Variants in SLC9A9 observed in about 807,000 individuals in gnomAD.
SLC9A9 encodes solute carrier family 9 member A9, also known as sodium/hydrogen exchanger 9.
Under a neutral mutation model 77.8 loss-of-function variants are expected in SLC9A9, and 62 were observed. The ratio of observed to expected loss-of-function variants is 0.80; its 90% CI spans 0.65 to 0.98. The LOEUF is 0.98. SLC9A9 is among the 50% of genes least tolerant of loss of function. SLC9A9 has a pLI of 0.00. For synonymous variants in SLC9A9, 320 were observed against 283.5 expected (o/e 1.13, Z -1.29); for missense variants, 775 against 774.9 (o/e 1.00, Z 0.00).
In SLC9A9 at chr3:143,613,632, T is replaced by A. The variant is rs114790540; in HGVS notation, c.756-34909A>T. ...TAATTGGACAGCTAAATGGCTCAAC[T>A]TCATCTCTTTCCTCTCTTCTCACTG... On this transcript the variant is annotated intron_variant, in intron 6 of 15. Transcript: ENST00000316549. Among the ~76,000 whole-genome samples, 1,092 of 152,262 alleles carry A rather than the reference T, an allele frequency of 7.2e-3. 5 individuals are homozygous for A. The highest frequency in any genetic ancestry group is 0.011 in the Admixed American group (173 of 15,288).
In SLC9A9 at chr3:143,693,600, T is replaced by C. The variant is rs147587482; in HGVS notation, c.534-293A>G. On this transcript the variant is annotated intron_variant, in intron 4 of 15. Coordinates refer to ENST00000316549, the MANE Select transcript of SLC9A9 (RefSeq NM_173653.4). ...AAGATATAAAAAATAATCTGTCAAA[T>C]GTGGCACAGCAAATCATATCCAAAA... Among the ~76,000 whole-genome samples the C allele has an allele frequency of 6.2e-4, 94 of 152,278 alleles. No homozygotes were observed. In the East Asian group the frequency reaches 0.011, roughly 17 times the overall value.
chr3:143,514,873 T>C (rs1427875524), intron 9 of SLC9A9, among the ~76,000 whole-genome samples: 1 of 152,234 alleles, frequency 6.6e-6, no homozygotes, highest in Non-Finnish European at 1.5e-5. Context: ...ATCATTTGTG[T>C]GTTCACTGGA....
At chr3:143,623,663 G>C (rs1451694101) in intron 6 of SLC9A9, among the ~76,000 whole-genome samples, 2 of 152,066 alleles carry the variant, frequency 1.3e-5, no homozygotes, top group Non-Finnish European at 2.9e-5. Flanking sequence ...GAGAAAGCAG[G>C]AAAGATCTAA....
In SLC9A9 at chr3:143,604,927, C is replaced by G. The variant is rs561747526; in HGVS notation, c.756-26204G>C. ...TCTGGCAAGTTTTCAATGAGGGCCC[C>G]TCCGGTTGAAACAAGTTAGAGACTG... On this transcript the variant is annotated intron_variant, in intron 6 of 15. Coordinates refer to ENST00000316549, the MANE Select transcript of SLC9A9 (RefSeq NM_173653.4). 2.0e-5 allele frequency among the ~76,000 whole-genome samples: 3 copies of G among 152,296 alleles called. No individual in the cohort carries two copies. In the South Asian group the frequency reaches 6.2e-4, roughly 32 times the overall value.
chr3:143,715,923 C>A (rs2108799464), intron 4 of SLC9A9, among the ~76,000 whole-genome samples: 1 of 152,346 alleles, frequency 6.6e-6, no homozygotes, highest in East Asian at 1.9e-4. Context: ...ATTAAATGCA[C>A]TTTCAAAATG....
At chr3:143,321,092 C>T (rs533339407) in intron 14 of SLC9A9, among the ~76,000 whole-genome samples, 1 of 152,218 alleles carries the variant, frequency 6.6e-6, no homozygotes, top group Admixed American at 6.5e-5. Flanking sequence ...ACCATCATTT[C>T]AAACATCTAG....
intron 12 of SLC9A9, among the ~76,000 whole-genome samples, chr3:143,454,236 TACAGATTGGCTG>T (rs2035052180): frequency 6.6e-6 from 1 of 152,232 alleles, no homozygotes; most frequent in Non-Finnish European, 1.5e-5. Context: ...TAAAGTGATT[TACAGATTGGCTG>T]TATTATTTTA....
chr3:143,600,446 G>A (rs1191098510), intron 6 of SLC9A9, among the ~76,000 whole-genome samples: 1 of 152,182 alleles, frequency 6.6e-6, no homozygotes, highest in East Asian at 1.9e-4. Flanking sequence ...AATTCCCCTG[G>A]ATGGACAAGA....
At chr3:143,408,533 A>G (rs184816150) in intron 12 of SLC9A9, among the ~76,000 whole-genome samples, 1 of 152,240 alleles carries the variant, frequency 6.6e-6, no homozygotes, top group Non-Finnish European at 1.5e-5. Flanking sequence ...ATGGCAGCCA[A>G]TTATTCAAGA....
intron 14 of SLC9A9, among the ~76,000 whole-genome samples, chr3:143,290,463 G>T (rs542590659): frequency 6.6e-6 from 1 of 152,324 alleles, no homozygotes; most frequent in Admixed American, 6.5e-5. Flanking sequence ...CACATTCCCA[G>T]ATTTGAGTCT....
chr3:143,695,392 G>T (rs1236557294), intron 4 of SLC9A9, among the ~76,000 whole-genome samples: 2 of 152,008 alleles, frequency 1.3e-5, no homozygotes. Flanking sequence ...GTGTCCATGT[G>T]TTCTCATTGT....
intron 6 of SLC9A9, among the ~76,000 whole-genome samples, chr3:143,629,188 A>G (rs889443311): frequency 4.6e-5 from 7 of 152,166 alleles, no homozygotes; most frequent in Non-Finnish European, 1.0e-4. Flanking sequence ...TGGCCTGTCC[A>G]CCCAAATAAT....
chr3:143,628,170 G>A (rs959280856), intron 6 of SLC9A9, among the ~76,000 whole-genome samples: 5 of 152,186 alleles, frequency 3.3e-5, no homozygotes, highest in Admixed American at 6.5e-5. Flanking sequence ...GGGACAGCTA[G>A]ATGGAGGATG....
At chr3:143,840,559 A>G (rs16854462) in intron 1 of SLC9A9, among the ~76,000 whole-genome samples, 1,744 of 152,316 alleles carry the variant, frequency 0.011, 37 homozygotes, top group African/African-American at 0.04. Flanking sequence ...CAATGTTTCC[A>G]GGTAGGCTTG....
At chr3:143,270,248 T>C (rs1447549181) in intron 14 of SLC9A9, among the ~76,000 whole-genome samples, 1 of 152,242 alleles carries the variant, frequency 6.6e-6, no homozygotes. Context: ...TATCTACAAA[T>C]CTGAAAAGCT....
At chr3:143,694,207 G>C (rs1422633979) in intron 4 of SLC9A9, among the ~76,000 whole-genome samples, 1 of 151,996 alleles carries the variant, frequency 6.6e-6, no homozygotes, top group Non-Finnish European at 1.5e-5. Flanking sequence ...AGCTAAAAAG[G>C]CTAAAAGTCA....
chr3:143,542,278 G>C (rs1188845674), intron 9 of SLC9A9, among the ~76,000 whole-genome samples: 1 of 152,166 alleles, frequency 6.6e-6, no homozygotes, highest in Non-Finnish European at 1.5e-5. Context: ...ACCCTTCTAG[G>C]ATGGTATTTT....
intron 12 of SLC9A9, among the ~76,000 whole-genome samples, chr3:143,392,739 T>C (rs2033603279): frequency 6.6e-6 from 1 of 151,944 alleles, no homozygotes; most frequent in African/African-American, 2.4e-5. Context: ...AGGCTCAAAA[T>C]AAAGGGATGG....
At chr3:143,744,533 C>T (rs1413944680) in intron 4 of SLC9A9, among the ~76,000 whole-genome samples, 1 of 152,148 alleles carries the variant, frequency 6.6e-6, no homozygotes, top group African/African-American at 2.4e-5. Context: ...ACGGCCCCAT[C>T]GCTACTCAGC....
Sources: gnomAD v4.1 joint callset for allele counts (sites outside exome capture counted in the v4.1 genomes callset) on GRCh38, gnomAD v4.1.1 for gene constraint, MANE v1.5 for transcripts, NCBI Gene and HGNC (gene_info 2026-07-23, HGNC 2026-07-21) for gene names.